SPATA31C2: variants seen among roughly 807,000 people sequenced by gnomAD.
SPATA31C2 encodes the protein SPATA31 subfamily C member 2, also known as spermatogenesis-associated protein 31C2.
A neutral mutation model predicts 11.4 loss-of-function variants in SPATA31C2; 5 were observed. The observed-to-expected ratio is 0.44, with a 90% CI of 0.23 to 0.92. The LOEUF (loss-of-function observed/expected upper bound fraction) is 0.92. Ranked by LOEUF, SPATA31C2 falls within the 40% of genes least tolerant of loss-of-function variation. SPATA31C2 has a pLI of 0.24. For missense variants in SPATA31C2, 1,353 were observed against 1,368.6 expected (o/e 0.99, Z 0.18); for synonymous variants, 515 against 538.7 (o/e 0.96, Z 0.61).
In SPATA31C2 at chr9:88,133,669, G is replaced by C. The variant is rs774866069; in HGVS notation, c.190C>G (p.Arg64Gly). The change falls in exon 2 of 4, where the codon CGT (arginine) becomes GGT (glycine). Residue 64 changes from arginine (R) to glycine (G), a missense_variant and splice_region_variant. Transcript: ENST00000324915. ...GCTGGACGCTGGGAGACAAGATGACGCTGGGAGACAAGAAATGGCGAGGAG... is the reference window on the plus strand; with the variant it reads ...GCTGGACGCTGGGAGACAAGATGACCCTGGGAGACAAGAAATGGCGAGGAG... ...PPSPSPRKRK[R>G]HLVSQRPAGR... The C allele has an allele frequency of 8.1e-6, 13 of 1,604,688 alleles. No homozygotes were observed. The highest frequency in any genetic ancestry group is 1.7e-4 in the Middle Eastern group (1 of 6,022).
Position 88,133,674 on chromosome 9 carries a change from G to C in SPATA31C2, c.190-5C>G, listed in dbSNP as rs1825638989. 2 of 1,604,654 alleles carry C rather than the reference G, an allele frequency of 1.2e-6. No homozygotes were observed. Among genetic ancestry groups the C allele is most frequent in the South Asian group, 2.2e-5 (2 of 90,976 alleles). On this transcript the variant is annotated splice_region_variant and splice_polypyrimidine_tract_variant and intron_variant, in intron 1 of 3. Coordinates refer to ENST00000324915, the MANE Select transcript of SPATA31C2 (RefSeq NM_001350978.3). ...ACGCTGGGAGACAAGATGACGCTGG[G>C]AGACAAGAAATGGCGAGGAGCTAGG...
In SPATA31C2 at chr9:88,132,594, G is replaced by A. The variant is rs3119582; in HGVS notation, c.443C>T (p.Thr148Met). ...DGASRSSHEPTEDAAPIVSPL... is the reference protein window; with the variant it reads ...DGASRSSHEPMEDAAPIVSPL... ...GGAGACAATGGGAGCAGCGTCTTCC[G>A]TAGGCTCATGAGAGGACCGGGAGGC... is the stretch of plus-strand genomic sequence containing the variant. The change falls in exon 4 of 4, where the codon ACG (threonine) becomes ATG (methionine). Residue 148 changes from threonine (T) to methionine (M), a missense_variant. Coordinates refer to ENST00000324915, the MANE Select transcript of SPATA31C2 (RefSeq NM_001350978.3). 756 of 1,609,450 alleles carry A rather than the reference G, an allele frequency of 4.7e-4. 1 individual carries two copies. The highest frequency in any genetic ancestry group is 4.8e-4 in the Non-Finnish European group (560 of 1,177,250).
In SPATA31C2 at chr9:88,130,646, G is replaced by A. The variant is rs1366005645; in HGVS notation, c.2391C>T (p.Thr797=). The change falls in exon 4 of 4, where the codon ACC becomes ACT. Residue 797 remains threonine (T), a synonymous_variant. Transcript: ENST00000324915. ...CTGTGGGTTGTGGCACTGCCTCCCT[G>A]GTCTCTCCAGCCCTTGAAGATTGGG... ...LGAQSSRAGE[T]REAVPQPTVP... is the part of the protein sequence containing the mutation. 6.2e-7 allele frequency: 1 copy of A among 1,613,666 alleles called. No individual in the cohort carries two copies. Among genetic ancestry groups the A allele is most frequent in the Non-Finnish European group, 8.5e-7 (1 of 1,179,834 alleles).
At position 88,132,033 on chromosome 9, in the gene SPATA31C2, G is replaced by C; in HGVS notation, c.1004C>G (p.Pro335Arg). The change falls in exon 4 of 4, where the codon CCC becomes CGC. Residue 335 changes from proline to arginine, a missense_variant. Coordinates refer to ENST00000324915, the MANE Select transcript of SPATA31C2 (RefSeq NM_001350978.3). ...PLSHLEPESQPFISSTPQFWP... is the reference protein window; with the variant it reads ...PLSHLEPESQRFISSTPQFWP... ...GAATTGGGGTGTGGATGAAATAAAG[G>C]GTTGGGACTCAGGCTCCAGATGGGA... 3.7e-6 allele frequency: 6 copies of C among 1,610,926 alleles called. No homozygotes were observed. The highest frequency in any genetic ancestry group is 5.1e-6 in the Non-Finnish European group (6 of 1,177,750).
chr9:88,129,586 G>A lies in SPATA31C2; in HGVS notation c.*46C>T, dbSNP rs532584662. On this transcript the variant is annotated 3_prime_UTR_variant, in exon 4 of 4. Transcript: ENST00000324915. ...TTCTTGGGGAGCAAGAGTTGGGGAT[G>A]TCGCAGGCCCCATTGCTCATTGTTG... is the stretch of plus-strand genomic sequence containing the variant. The A allele has an allele frequency of 1.9e-4, 297 of 1,602,284 alleles. No homozygotes were observed. The highest frequency in any genetic ancestry group is 1.2e-3 in the South Asian group (106 of 90,878).
chr9:88,132,481 A>C lies in SPATA31C2; in HGVS notation c.556T>G (p.Ser186Ala). Residue 186 changes from serine to alanine, a missense_variant, in exon 4 of 4, where the codon TCC becomes GCC. Physicochemically the swap from Ser to Ala is moderately conservative, Grantham distance 99. This residue lies in a region of SPATA31C2 where 1,075 missense variants were observed against 992.8 expected (regional missense o/e 1.08). Transcript: ENST00000324915. Reference protein sequence around the residue: ...PPGPMTTSVSSLSASQPPEPS... With the variant: ...PPGPMTTSVSALSASQPPEPS... ...TCTGGTGGCTGGGAGGCACTTAGGG[A>C]GGAGACTGAGGTGGTCATTGGGCCT... 6.2e-7 allele frequency: 1 copy of C among 1,610,966 alleles called. No homozygotes were observed. Among genetic ancestry groups the C allele is most frequent in the East Asian group, 2.2e-5 (1 of 44,690 alleles).
In SPATA31C2 at chr9:88,130,519, T is replaced by G. The variant is rs746582570; in HGVS notation, c.2518A>C (p.Met840Leu). The G allele has an allele frequency of 6.2e-7, 1 of 1,613,282 alleles. No homozygotes were observed. Among genetic ancestry groups the G allele is most frequent in the African/African-American group, 1.3e-5 (1 of 74,864 alleles). The change falls in exon 4 of 4, where the codon ATG becomes CTG. Residue 840 changes from methionine (M) to leucine (L), a missense_variant. Transcript: ENST00000324915. ...TTTCTTGGGTCTTGGGAGACAGACA[T>G]TCTAGGGAGTAGAGAGCTTTTGCTG... is the stretch of plus-strand genomic sequence containing the variant. The part of the protein sequence containing the change: ...GASKSSLLPR[M>L]SVSQDPRKLC...
At position 88,132,211 on chromosome 9, in the gene SPATA31C2, G is replaced by C. The variant is rs1240597729; in HGVS notation, c.826C>G (p.Leu276Val). ...LAASVPGISG[L>V]GGSNSQVSAL... ...GAAACTTGACTGTTTGAGCCGCCAA[G>C]GCCTGAGATGCCTGGGACAGAAGCC... The change falls in exon 4 of 4, where the codon CTT (leucine) becomes GTT (valine). Residue 276 changes from leucine to valine, a missense_variant. Transcript: ENST00000324915. 1 of 1,610,604 alleles carries C rather than the reference G, an allele frequency of 6.2e-7. No individual in the cohort carries two copies. The highest frequency in any genetic ancestry group is 8.5e-7 in the Non-Finnish European group (1 of 1,177,662).
intron 1 of SPATA31C2, among the ~76,000 whole-genome samples, chr9:88,136,890 A>C (rs1187593915): frequency 7.8e-6 from 1 of 128,466 alleles, no homozygotes; most frequent in African/African-American, 3.1e-5. Context: ...TGTGGCTATA[A>C]AATTTCTATT....
In SPATA31C2 at chr9:88,131,515, G is replaced by A. The variant is rs1825594130; in HGVS notation, c.1522C>T (p.Gln508Ter). The A allele has an allele frequency of 3.1e-6, 5 of 1,611,638 alleles. No homozygotes were observed. Among genetic ancestry groups the A allele is most frequent in the Non-Finnish European group, 4.2e-6 (5 of 1,179,678 alleles). The change falls in exon 4 of 4, where the codon CAG becomes TAG. Residue 508 changes from glutamine (Q) to a stop codon, truncating the protein, a stop_gained. Transcript: ENST00000324915. LOFTEE classifies it low-confidence loss of function (END_TRUNC). Reference sequence around the variant, plus strand: ...TGTGGGCATGGGTCCCTCTCTAGCTGGAACTTCACCGTCTGTGCCTCCTTG... The same window carrying A: ...TGTGGGCATGGGTCCCTCTCTAGCTAGAACTTCACCGTCTGTGCCTCCTTG... The part of the protein sequence containing the change: ...SSKEAQTVKF[Q>*]LERDPCPHLG...
chr9:88,134,277 C>T (rs1275508761), intron 1 of SPATA31C2, among the ~76,000 whole-genome samples: 2 of 140,274 alleles, frequency 1.4e-5, no homozygotes, highest in Non-Finnish European at 3.1e-5. Flanking sequence ...CACCACTGAG[C>T]TGTCAGGTAG....
chr9:88,134,460 C>T (rs1300751811), intron 1 of SPATA31C2, among the ~76,000 whole-genome samples: 2 of 141,176 alleles, frequency 1.4e-5, no homozygotes, highest in African/African-American at 2.7e-5. Flanking sequence ...AGAGACCTCC[C>T]CCGTCTCATG....
rs543787466 is a variant in SPATA31C2, at chr9:88,130,625, G to T, written c.2412C>A (p.Pro804=). The T allele has an allele frequency of 5.0e-6, 8 of 1,613,772 alleles. No individual in the cohort carries two copies. In the African/African-American group the frequency reaches 8.0e-5, roughly 16 times the overall value. The stretch of plus-strand genomic sequence containing the variant: ...TCATACAGGTTCCCAAGGGGACTGT[G>T]GGTTGTGGCACTGCCTCCCTGGTCT... ...AGETREAVPQ[P]TVPLGTCMRA... is the part of the protein sequence containing the mutation. The change falls in exon 4 of 4, where the codon CCC becomes CCA. Residue 804 remains proline, a synonymous_variant. Transcript: ENST00000324915.
Position 88,131,647 on chromosome 9 carries a change from G to A in SPATA31C2, c.1390C>T (p.Gln464Ter), listed in dbSNP as rs746986758. 6.2e-7 allele frequency: 1 copy of A among 1,611,992 alleles called. No homozygotes were observed. The highest frequency in any genetic ancestry group is 1.1e-5 in the South Asian group (1 of 90,986). Residue 464 changes from glutamine (Q) to a stop codon, truncating the protein, a stop_gained, in exon 4 of 4, where the codon CAA becomes TAA. Coordinates refer to ENST00000324915, the MANE Select transcript of SPATA31C2 (RefSeq NM_001350978.3). LOFTEE classifies it low-confidence loss of function (END_TRUNC). ...EQHMGQRGRI[Q>*]ESLDLMQLQD... ...AGCTGCATCAGATCCAGAGACTCTT[G>A]GATCCTTCCACGTTGCCCCATGTGT...
rs1363226708 is a variant in SPATA31C2, at chr9:88,130,367, A to G, written c.2670T>C (p.His890=). Residue 890 remains histidine, a synonymous_variant, in exon 4 of 4, where the codon CAT becomes CAC. Coordinates refer to ENST00000324915, the MANE Select transcript of SPATA31C2 (RefSeq NM_001350978.3). Reference sequence around the variant, plus strand: ...CTTGAGAAGCCAAATTCTCTGAAGCATGGGGCACAACAGATGCTTGCCCAT... The same window carrying G: ...CTTGAGAAGCCAAATTCTCTGAAGCGTGGGGCACAACAGATGCTTGCCCAT... ...LPDGQASVVP[H]ASENLASQVP... is the part of the protein sequence containing the mutation. 7 of 1,610,780 alleles carry G rather than the reference A, an allele frequency of 4.3e-6. No individual in the cohort carries two copies. In the South Asian group the frequency reaches 6.6e-5, roughly 15 times the overall value.
chr9:88,137,524 A>G (rs1420693364), intron 1 of SPATA31C2, among the ~76,000 whole-genome samples: 3 of 141,126 alleles, frequency 2.1e-5, no homozygotes. Context: ...TCAGGACGCT[A>G]AGACAGGAGA....
chr9:88,137,217 C>G (rs1825693246), intron 1 of SPATA31C2, among the ~76,000 whole-genome samples: 1 of 148,348 alleles, frequency 6.7e-6, no homozygotes, highest in Non-Finnish European at 1.5e-5. Context: ...ACAAGTACAA[C>G]CAACTGACTT....
chr9:88,131,221 C>T lies in SPATA31C2; in HGVS notation c.1816G>A (p.Ala606Thr). The T allele has an allele frequency of 1.2e-6, 2 of 1,611,892 alleles. No individual in the cohort carries two copies. Among genetic ancestry groups the T allele is most frequent in the Non-Finnish European group, 1.7e-6 (2 of 1,179,866 alleles). The change falls in exon 4 of 4, where the codon GCT becomes ACT. Residue 606 changes from alanine (A) to threonine (T), a missense_variant. By Grantham distance (58) the Ala-to-Thr change is moderately conservative (BLOSUM62 0). Transcript: ENST00000324915. Reference protein sequence around the residue: ...VRRSWLAVNQAFPVSNTHVKT... With the variant: ...VRRSWLAVNQTFPVSNTHVKT... ...ACGTGGGTGTTGGAGACGGGAAAAG[C>T]CTGGTTGACAGCAAGCCAGGATCGA...
chr9:88,132,493 T>C lies in SPATA31C2; in HGVS notation c.544A>G (p.Thr182Ala). 6.2e-7 allele frequency: 1 copy of C among 1,610,600 alleles called. No individual in the cohort carries two copies. Among genetic ancestry groups the C allele is most frequent in the Non-Finnish European group, 8.5e-7 (1 of 1,177,876 alleles). ...ASTPPPGPMTTSVSSLSASQP... is the reference protein window; with the variant it reads ...ASTPPPGPMTASVSSLSASQP... Reference sequence around the variant, plus strand: ...GAGGCACTTAGGGAGGAGACTGAGGTGGTCATTGGGCCTGGTGGTGGGGTG... The same window carrying C: ...GAGGCACTTAGGGAGGAGACTGAGGCGGTCATTGGGCCTGGTGGTGGGGTG... Residue 182 changes from threonine (T) to alanine (A), a missense_variant, in exon 4 of 4, where the codon ACC becomes GCC. Coordinates refer to ENST00000324915, the MANE Select transcript of SPATA31C2 (RefSeq NM_001350978.3).
Sources: gnomAD v4.1 joint callset for allele counts (sites outside exome capture counted in the v4.1 genomes callset) on GRCh38, gnomAD v4.1.1 for gene constraint, gnomAD v4.1.1 regional missense constraint, MANE v1.5 for transcripts, NCBI Gene and HGNC (gene_info 2026-07-23, HGNC 2026-07-21) for gene names.